Variants in SMIM35 observed in about 807,000 individuals in gnomAD.
The protein encoded by SMIM35 is small integral membrane protein 35.
At chr11:118,010,159 G>A (rs1205450319) in intron 4 of SMIM35, among the ~76,000 whole-genome samples, 2 of 152,212 alleles carry the variant, frequency 1.3e-5, no homozygotes, top group Non-Finnish European at 2.9e-5. Flanking sequence ...TGTGCAAACA[G>A]TCTCTGCTCC....
At chr11:118,067,725 G>A (rs1024430145) in intron 1 of SMIM35, among the ~76,000 whole-genome samples, 6 of 151,144 alleles carry the variant, frequency 4.0e-5, no homozygotes, top group African/African-American at 7.3e-5. Context: ...TCAACTTCTC[G>A]GGAGGCTGAG....
intron 1 of SMIM35, among the ~76,000 whole-genome samples, chr11:118,038,515 G>A (rs1943946752): frequency 6.6e-6 from 1 of 152,146 alleles, no homozygotes; most frequent in Non-Finnish European, 1.5e-5. Flanking sequence ...GCCATTTCTA[G>A]TATATTCCTG....
intron 1 of SMIM35, among the ~76,000 whole-genome samples, chr11:118,085,886 C>A (rs1335299501): frequency 2.0e-5 from 3 of 152,196 alleles, no homozygotes; most frequent in Non-Finnish European, 4.4e-5. Flanking sequence ...CACTCTGGAA[C>A]AGAGGGAAAG....
intron 1 of SMIM35, among the ~76,000 whole-genome samples, chr11:118,048,621 G>GGAGA (rs373866285): frequency 6.7e-6 from 1 of 150,052 alleles, no homozygotes; most frequent in African/African-American, 2.5e-5. Context: ...AAGCAAGGAA[G>GGAGA]GAGAGAGAGA....
chr11:118,056,467 A>G (rs1944311142), intron 1 of SMIM35, among the ~76,000 whole-genome samples: 1 of 152,138 alleles, frequency 6.6e-6, no homozygotes, highest in Non-Finnish European at 1.5e-5. Context: ...ACATGCAGGA[A>G]GGCAGTTCCA....
intron 1 of SMIM35, among the ~76,000 whole-genome samples, chr11:118,017,825 AAGG>A (rs1352874392): frequency 6.6e-6 from 1 of 152,180 alleles, no homozygotes; most frequent in Admixed American, 6.5e-5. Flanking sequence ...TGACGGCAGG[AAGG>A]AGAAGAGTGC....
chr11:118,034,920 G>A (rs1786176), intron 1 of SMIM35, among the ~76,000 whole-genome samples: 13,246 of 151,866 alleles, frequency 0.087, 779 homozygotes, highest in Admixed American at 0.15. Flanking sequence ...TCCAAATTGC[G>A]GTTATGAATA....
At chr11:118,079,976 G>C (rs1316230358) in intron 1 of SMIM35, among the ~76,000 whole-genome samples, 1 of 152,176 alleles carries the variant, frequency 6.6e-6, no homozygotes, top group Non-Finnish European at 1.5e-5. Context: ...TGCCACCTGG[G>C]TGACAGGGCC....
At chr11:118,010,194 T>A (rs562992778) in intron 4 of SMIM35, among the ~76,000 whole-genome samples, 15 of 152,320 alleles carry the variant, frequency 9.8e-5, no homozygotes, top group Admixed American at 3.3e-4. Flanking sequence ...AAGCAGTTTT[T>A]AAAAAGATAA....
chr11:118,033,091 C>T (rs1378990989), intron 1 of SMIM35, among the ~76,000 whole-genome samples: 1 of 152,110 alleles, frequency 6.6e-6, no homozygotes, highest in East Asian at 1.9e-4. Flanking sequence ...TAAGGATCAG[C>T]TCTCATCAAT....
intron 1 of SMIM35, among the ~76,000 whole-genome samples, chr11:118,021,603 A>T (rs7107472): frequency 6.6e-6 from 1 of 152,192 alleles, no homozygotes; most frequent in Non-Finnish European, 1.5e-5. Flanking sequence ...GAAAATAAAG[A>T]TATACCATAT....
chr11:118,051,648 A>G (rs2135102479), intron 1 of SMIM35, among the ~76,000 whole-genome samples: 1 of 152,268 alleles, frequency 6.6e-6, no homozygotes, highest in South Asian at 2.1e-4. Flanking sequence ...CTCTCACTAC[A>G]GTGCAGACAG....
chr11:118,033,257 G>A (rs555528844), intron 1 of SMIM35, among the ~76,000 whole-genome samples: 1 of 152,164 alleles, frequency 6.6e-6, no homozygotes, highest in African/African-American at 2.4e-5. Context: ...AAACAGTTTT[G>A]TCAGGACCAT....
At chr11:118,022,426 G>T (rs1420703696) in intron 1 of SMIM35, among the ~76,000 whole-genome samples, 1 of 152,054 alleles carries the variant, frequency 6.6e-6, no homozygotes, top group Non-Finnish European at 1.5e-5. Context: ...CCTGACCACA[G>T]AATTATATTG....
chr11:118,017,236 G>T (rs913173868), intron 1 of SMIM35, among the ~76,000 whole-genome samples: 16 of 152,228 alleles, frequency 1.1e-4, no homozygotes, highest in Non-Finnish European at 2.4e-4. Context: ...GAGCAACCTT[G>T]TTCCCTGCTC....
chr11:118,009,536 G>T (rs745523536), intron 4 of SMIM35, among the ~76,000 whole-genome samples: 3 of 152,088 alleles, frequency 2.0e-5, no homozygotes, highest in Admixed American at 1.3e-4. Context: ...TCAGACACAC[G>T]CAGAGTCAAG....
chr11:118,075,383 T>C (rs1010905643), intron 1 of SMIM35, among the ~76,000 whole-genome samples: 1 of 152,210 alleles, frequency 6.6e-6, no homozygotes, highest in African/African-American at 2.4e-5. Context: ...CAGCTGAGAT[T>C]TGGCCAATAA....
At chr11:118,027,597 A>G (rs546485967) in intron 1 of SMIM35, among the ~76,000 whole-genome samples, 3 of 152,352 alleles carry the variant, frequency 2.0e-5, no homozygotes, top group African/African-American at 7.2e-5. Context: ...CTCCAGAACT[A>G]TGCTATAACT....
intron 4 of SMIM35, among the ~76,000 whole-genome samples, chr11:118,011,836 G>A (rs563778274): frequency 7.2e-5 from 11 of 152,306 alleles, no homozygotes; most frequent in Admixed American, 6.5e-4. Flanking sequence ...CTTCAAGGAA[G>A]GGAGGGGTCT....
Sources: allele counts gnomAD v4.1 joint callset (sites outside exome capture counted in the v4.1 genomes callset), GRCh38; gene constraint gnomAD v4.1.1; transcripts MANE v1.5; gene names NCBI Gene and HGNC (gene_info 2026-07-23, HGNC 2026-07-21).